PPP1R1C: variants seen among roughly 807,000 people sequenced by gnomAD.
The protein encoded by PPP1R1C is protein phosphatase 1 regulatory inhibitor subunit 1C.
Under a neutral mutation model 17.4 loss-of-function variants are expected in PPP1R1C, and 15 were observed. That is an observed-to-expected ratio of 0.86 (90% CI 0.58 to 1.33). The LOEUF (loss-of-function observed/expected upper bound fraction) is 1.33, where lower values mean the gene tolerates loss of function less well. Ranked by LOEUF, PPP1R1C falls within the 40% of genes most tolerant of loss-of-function variation. The pLI, the probability that PPP1R1C is intolerant of heterozygous loss-of-function variation, is 0.00. For synonymous variants in PPP1R1C, 35 were observed against 43.1 expected (o/e 0.81, Z 0.73); for missense variants, 143 against 130.0 (o/e 1.10, Z -0.48).
rs1168313243 is a variant in PPP1R1C, at chr2:182,027,144, T to A, written c.143-34298T>A. On this transcript the variant is annotated intron_variant, in intron 2 of 4. Coordinates refer to ENST00000682840, the MANE Select transcript of PPP1R1C (RefSeq NM_001080545.3). Reference sequence around the variant, plus strand: ...ATGGGGTTTTCTAGATATACAATCATGTCGTCTGCAAACAGGGACAATTTG... The same window carrying A: ...ATGGGGTTTTCTAGATATACAATCAAGTCGTCTGCAAACAGGGACAATTTG... Among the ~76,000 whole-genome samples, 1,073 of 143,270 alleles carry A rather than the reference T, an allele frequency of 7.5e-3. 20 individuals carry two copies. Among genetic ancestry groups the A allele is most frequent in the African/African-American group, 0.027 (1,002 of 37,060 alleles). The allele number at this position is 143,270 out of a possible 152,430, so 94.0% of individuals were successfully genotyped here. A position where few individuals can be genotyped will look rare whatever the true frequency, so the allele number is the denominator to read the frequency against.
At chr2:182,093,004 C>T (rs1242498302) in intron 4 of PPP1R1C, among the ~76,000 whole-genome samples, 2 of 152,222 alleles carry the variant, frequency 1.3e-5, no homozygotes, top group African/African-American at 4.8e-5. Flanking sequence ...AGCAGGGACT[C>T]TTTGTGGGGG....
intron 2 of PPP1R1C, among the ~76,000 whole-genome samples, chr2:182,028,672 A>T (rs1686705396): frequency 6.6e-6 from 1 of 151,186 alleles, no homozygotes; most frequent in African/African-American, 2.4e-5. Flanking sequence ...GTGGTGCTGA[A>T]AAAAGTGTAT....
At chr2:182,112,932 T>G (rs1283906416) in intron 4 of PPP1R1C, among the ~76,000 whole-genome samples, 1 of 152,214 alleles carries the variant, frequency 6.6e-6, no homozygotes, top group Non-Finnish European at 1.5e-5. Flanking sequence ...TTTTAAAATG[T>G]GTATTTGGGC....
chr2:182,001,716 A>G (rs937101794), intron 2 of PPP1R1C, among the ~76,000 whole-genome samples: 5 of 152,182 alleles, frequency 3.3e-5, no homozygotes, highest in African/African-American at 1.2e-4. Flanking sequence ...ACTGAAAATC[A>G]AACAGTTCAT....
At chr2:182,121,946 T>C (rs1473596093), downstream of PPP1R1C, among the ~76,000 whole-genome samples, 3 of 152,198 alleles carry the variant, frequency 2.0e-5, no homozygotes, top group Non-Finnish European at 4.4e-5. Flanking sequence ...AACATTCTGA[T>C]GTCATTTCTT....
intron 2 of PPP1R1C, among the ~76,000 whole-genome samples, chr2:182,001,406 T>C (rs1480661259): frequency 6.6e-6 from 1 of 152,186 alleles, no homozygotes; most frequent in Non-Finnish European, 1.5e-5. Context: ...TCACATCTGA[T>C]TTTAAAGTGT....
intron 4 of PPP1R1C, among the ~76,000 whole-genome samples, chr2:182,080,197 A>G (rs1559084602): frequency 6.6e-6 from 1 of 152,330 alleles, no homozygotes; most frequent in East Asian, 1.9e-4. Flanking sequence ...AGTTTCACCT[A>G]AGTTACAGAT....
At chr2:181,978,570 A>T (rs1213583730) in intron 2 of PPP1R1C, among the ~76,000 whole-genome samples, 8 of 152,204 alleles carry the variant, frequency 5.3e-5, no homozygotes, top group Admixed American at 5.2e-4. Flanking sequence ...GGTGGTCTCC[A>T]TGTGGCTTTG....
rs1051902663 is a variant in PPP1R1C, at chr2:181,962,807, C to G, written n.111+8173C>G. Among the ~76,000 whole-genome samples the G allele has an allele frequency of 6.6e-6, 1 of 152,028 alleles. No individual in the cohort carries two copies. The highest frequency in any genetic ancestry group is 2.4e-5 in the African/African-American group (1 of 41,376). ...TGGCTGGAGATAAAGGAAAGCGGAGCCTGAGCTAACCAGGGACCTTCACAT... is the reference window on the plus strand; with the variant it reads ...TGGCTGGAGATAAAGGAAAGCGGAGGCTGAGCTAACCAGGGACCTTCACAT... On this transcript the variant is annotated intron_variant and non_coding_transcript_variant, in intron 1 of 5. Coordinates refer to the PPP1R1C transcript ENST00000464264. The surrounding 1 kb of genome is among the most constrained non-coding windows in gnomAD (Gnocchi z 6.0).
At chr2:182,104,128 A>G (rs1284303696) in intron 4 of PPP1R1C, among the ~76,000 whole-genome samples, 1 of 152,174 alleles carries the variant, frequency 6.6e-6, no homozygotes, top group African/African-American at 2.4e-5. Flanking sequence ...GATCAATTAT[A>G]TAAGATCATG....
intron 2 of PPP1R1C, among the ~76,000 whole-genome samples, chr2:181,991,816 G>A (rs1193077520): frequency 1.3e-5 from 2 of 151,992 alleles, no homozygotes; most frequent in Non-Finnish European, 2.9e-5. Context: ...CTTATACTGT[G>A]TGCTGTTTGC....
chr2:182,041,883 TG>T (rs1687194956), intron 2 of PPP1R1C, among the ~76,000 whole-genome samples: 1 of 152,184 alleles, frequency 6.6e-6, no homozygotes, highest in Non-Finnish European at 1.5e-5. Context: ...AGCTTTATAG[TG>T]CTTAAAGTTT....
At chr2:181,968,913 C>G (rs777008659) in intron 1 of PPP1R1C, among the ~76,000 whole-genome samples, 11 of 151,922 alleles carry the variant, frequency 7.2e-5, no homozygotes, top group Admixed American at 1.3e-4. Context: ...TATCATCTTA[C>G]AACACATTAT....
chr2:182,094,260 G>A (rs1008750226), intron 4 of PPP1R1C, among the ~76,000 whole-genome samples: 2 of 152,082 alleles, frequency 1.3e-5, no homozygotes, highest in Non-Finnish European at 2.9e-5. Context: ...GCTATTACAA[G>A]AACAGCATGG....
intron 2 of PPP1R1C, among the ~76,000 whole-genome samples, chr2:182,046,765 C>T (rs139310147): frequency 6.6e-6 from 1 of 150,462 alleles, no homozygotes; most frequent in Non-Finnish European, 1.5e-5. Flanking sequence ...GAAAGAAATA[C>T]GTTGATAATA....
At chr2:182,093,203 C>T (rs1240617313) in intron 4 of PPP1R1C, among the ~76,000 whole-genome samples, 1 of 152,120 alleles carries the variant, frequency 6.6e-6, no homozygotes, top group Non-Finnish European at 1.5e-5. Context: ...TAGAAGCTGC[C>T]AAGGATTGGG....
chr2:182,015,076 A>T (rs1686217356), intron 2 of PPP1R1C, among the ~76,000 whole-genome samples: 1 of 152,088 alleles, frequency 6.6e-6, no homozygotes, highest in African/African-American at 2.4e-5. Context: ...CTGCAAGACA[A>T]AGTCCCCTTT....
intron 2 of PPP1R1C, among the ~76,000 whole-genome samples, chr2:182,023,331 G>A (rs1018909153): frequency 4.0e-5 from 6 of 151,824 alleles, no homozygotes; most frequent in African/African-American, 1.2e-4. Flanking sequence ...AAATAAAAAG[G>A]AAAATATAAT....
At chr2:181,971,973 G>T (rs990022301) in intron 1 of PPP1R1C, among the ~76,000 whole-genome samples, 1 of 152,184 alleles carries the variant, frequency 6.6e-6, no homozygotes, top group Non-Finnish European at 1.5e-5. Context: ...CAATTCAAGC[G>T]TATCTTTACT....
Sources: allele counts gnomAD v4.1 joint callset (sites outside exome capture counted in the v4.1 genomes callset), GRCh38; gene constraint gnomAD v4.1.1; non-coding constraint Gnocchi (gnomAD v3.1); transcripts MANE v1.5; gene names NCBI Gene and HGNC (gene_info 2026-07-23, HGNC 2026-07-21).